Variants in CATSPERG observed in about 807,000 individuals in gnomAD.
The protein encoded by CATSPERG is cation channel sperm-associated auxiliary subunit gamma.
CATSPERG carries 115 observed loss-of-function variants against 145.0 expected under a neutral mutation model. The ratio of observed to expected loss-of-function variants is 0.79; its 90% CI spans 0.68 to 0.93. The LOEUF is 0.93. CATSPERG is among the 40% of genes least tolerant of loss of function. The pLI is 0.00. For missense variants in CATSPERG, 1,296 were observed against 1,490.1 expected, an observed-to-expected ratio of 0.87 and a Z score of 2.14; for synonymous variants, 588 against 589.0, an observed-to-expected ratio of 1.00 and a Z score of 0.02.
In CATSPERG at chr19:38,361,856, G is replaced by A. The variant is rs1182624974; in HGVS notation, c.2089G>A (p.Asp697Asn). 23 of 1,606,576 alleles carry A rather than the reference G, an allele frequency of 1.4e-5. No individual in the cohort carries two copies. The highest frequency in any genetic ancestry group is 1.7e-5 in the Non-Finnish European group (20 of 1,176,968). Residue 697 changes from aspartate (D) to asparagine (N), a missense_variant, in exon 17 of 29, where the codon GAC (aspartate) becomes AAC (asparagine). Transcript: ENST00000409235. Reference sequence around the variant, plus strand: ...CCTGCTGTGGCTGCACTCCGTGTACGACAAGGTGGGCGTCCGGCGGCGGGC... The same window carrying A: ...CCTGCTGTGGCTGCACTCCGTGTACAACAAGGTGGGCGTCCGGCGGCGGGC... The part of the protein sequence containing the change: ...YYLLWLHSVY[D>N]KPYADPVHDP...
rs1169998731 is a variant in CATSPERG, at chr19:38,362,805, G to A, written c.2448G>A (p.Leu816=). The change falls in exon 20 of 29, where the codon CTG becomes CTA. Residue 816 remains leucine (L), a synonymous_variant. Transcript: ENST00000409235. ...CIEASVKQEV[L]INRNSVLFSI... is the part of the protein sequence containing the mutation. ...AGGCCTCGGTGAAGCAGGAGGTCCT[G>A]ATTAATCGCAACTCGGTGCTATTTT... 30 of 1,607,086 alleles carry A rather than the reference G, an allele frequency of 1.9e-5. No homozygotes were observed. Among genetic ancestry groups the A allele is most frequent in the Non-Finnish European group, 2.4e-5 (28 of 1,175,414 alleles).
At chr19:38,346,338 A>C in intron 6 of CATSPERG, 112 bp from the exon 7 acceptor site, 1 of 989,542 alleles carries the variant, frequency 1.0e-6, no homozygotes, top group Non-Finnish European at 1.4e-6. Context: ...GGAAGTGAGA[A>C]GGACAAATCG....
rs1230304093 is a variant in CATSPERG, at chr19:38,354,738, G to A, written c.1026G>A (p.Glu342=). The change falls in exon 9 of 29, where the codon GAG becomes GAA. Residue 342 remains glutamate, a synonymous_variant. Transcript: ENST00000409235. ...SGSWIRVLAS[E]CIKKLCPVYF... is the part of the protein sequence containing the mutation. ...GTTGGATTCGTGTCCTGGCCAGCGAGTGCATCAAGAAGCTGTGCCCTGTGT... is the reference window on the plus strand; with the variant it reads ...GTTGGATTCGTGTCCTGGCCAGCGAATGCATCAAGAAGCTGTGCCCTGTGT... 1.2e-6 allele frequency: 2 copies of A among 1,614,200 alleles called. No individual in the cohort carries two copies. The highest frequency in any genetic ancestry group is 2.2e-5 in the East Asian group (1 of 44,884).
intron 8 of CATSPERG, 55 bp downstream of exon 8, chr19:38,352,487 C>A: frequency 6.6e-7 from 1 of 1,511,666 alleles, no homozygotes; most frequent in Non-Finnish European, 9.0e-7. Context: ...GTGAACCCCT[C>A]CACTGAAGGT....
At chr19:38,357,354 A>T (rs1234436480) in intron 11 of CATSPERG, among the ~76,000 whole-genome samples, 44 of 268 alleles carry the variant, frequency 0.16, no homozygotes, top group African/African-American at 0.27. Flanking sequence ...CTACAAATTA[A>T]AAAAAAAAAA....
Position 38,368,033 on chromosome 19 carries a change from C to T in CATSPERG, c.2931-15C>T, listed in dbSNP as rs1312876627. On this transcript the variant is annotated splice_polypyrimidine_tract_variant and intron_variant, in intron 25 of 28. Transcript: ENST00000409235. The stretch of plus-strand genomic sequence containing the variant: ...GCCCCCCAACCCCTGGCTGAGATGA[C>T]CTGGGCCTGCACAGGACCAACAGCC... 1.9e-6 allele frequency: 3 copies of T among 1,612,826 alleles called. No individual in the cohort carries two copies. Among genetic ancestry groups the T allele is most frequent in the South Asian group, 2.2e-5 (2 of 91,070 alleles).
chr19:38,343,869 C>T, intron 4 of CATSPERG, 124 bp from the exon 5 acceptor site: 1 of 1,406,182 alleles, frequency 7.1e-7, no homozygotes, highest in Non-Finnish European at 9.6e-7. Context: ...ACACAGAGGC[C>T]CCAGTGGGAC....
chr19:38,358,375 AGG>A lies in CATSPERG; in HGVS notation c.1366+50_1366+51del, dbSNP rs746512762. 5 of 1,613,924 alleles carry A rather than the reference AGG, an allele frequency of 3.1e-6. No individual in the cohort carries two copies. In the East Asian group the frequency reaches 8.9e-5, roughly 29 times the overall value. On this transcript the variant is annotated intron_variant, in intron 12 of 28. Transcript: ENST00000409235. ...GGCCTCAGGGTGGCTGTGGGCCAGG[AGG>A]GGCCCAGGTGACTCCACTTCACTGC... is the stretch of plus-strand genomic sequence containing the variant.
chr19:38,336,003 T>G (rs1600434998), intron 1 of CATSPERG, 128 bp downstream of exon 1: 144 of 226,494 alleles, frequency 6.4e-4, no homozygotes, highest in South Asian at 8.9e-4. Flanking sequence ...AGGGGAAGAG[T>G]CGTGGGAGCT....
intron 8 of CATSPERG, 33 bp downstream of exon 8, chr19:38,352,465 G>GCCCTC (rs1970159215): frequency 7.1e-6 from 11 of 1,549,416 alleles, no homozygotes; most frequent in African/African-American, 1.4e-5. Context: ...CACGCCTGGG[G>GCCCTC]AGGGCACCCT....
chr19:38,340,701 C>A (rs941072971), intron 3 of CATSPERG, among the ~76,000 whole-genome samples: 1 of 152,008 alleles, frequency 6.6e-6, no homozygotes, highest in South Asian at 2.1e-4. Context: ...CTCATTGCAG[C>A]CTCGACCTCC....
Position 38,361,632 on chromosome 19 carries a change from C to T in CATSPERG, c.1881-16C>T, listed in dbSNP as rs1193466420. ...TGCCTTAGAGCCAGCAGCCTTTCCC[C>T]CTTGCCACTGCCCAGGGGCTACTTG... On this transcript the variant is annotated splice_polypyrimidine_tract_variant and intron_variant, in intron 16 of 28. Transcript: ENST00000409235. 1 of 1,602,988 alleles carries T rather than the reference C, an allele frequency of 6.2e-7. No homozygotes were observed. The highest frequency in any genetic ancestry group is 2.2e-5 in the East Asian group (1 of 44,710).
chr19:38,365,252 C>A, intron 22 of CATSPERG, 135 bp downstream of exon 22: 1 of 671,134 alleles, frequency 1.5e-6, no homozygotes. Flanking sequence ...ATTCATCCAC[C>A]CACCCACTAC....
chr19:38,365,605 G>A (rs77142896), intron 22 of CATSPERG: 22,639 of 157,842 alleles, frequency 0.14, 1,908 homozygotes, highest in South Asian at 0.21. Context: ...TTTCAGAAAG[G>A]GCCACCTTCC....
Position 38,360,497 on chromosome 19 carries a change from C to A in CATSPERG, c.1617C>A (p.Tyr539Ter), listed in dbSNP as rs1970325271. ...AIVTETEEIW[Y>*]LLEGSYRVYQ... ...GGCTGTCATACCCGCAGATCTGGTA[C>A]CTCCTGGAGGGCAGCTACCGGGTCT... Residue 539 changes from tyrosine (Y) to a stop codon, truncating the protein, a stop_gained, in exon 15 of 29, where the codon TAC becomes TAA. Coordinates refer to ENST00000409235, the MANE Select transcript of CATSPERG (RefSeq NM_021185.5). LOFTEE classifies it high-confidence loss of function. 6.2e-7 allele frequency: 1 copy of A among 1,614,048 alleles called. No individual in the cohort carries two copies. Among genetic ancestry groups the A allele is most frequent in the Non-Finnish European group, 8.5e-7 (1 of 1,179,990 alleles).
In CATSPERG at chr19:38,351,607, C is replaced by CAA. The variant is rs769452553; in HGVS notation, c.826-640_826-639dup. ...TGGGTGACAGAGCAAGACTCCGCCT[C>CAA]AAAAAAAAAAAAAAATTAGCTGGGA... On this transcript the variant is annotated intron_variant, in intron 7 of 28. Coordinates refer to ENST00000409235, the MANE Select transcript of CATSPERG (RefSeq NM_021185.5). Among the ~76,000 whole-genome samples the CAA allele has an allele frequency of 6.4e-3, 706 of 110,606 alleles. 7 individuals carry two copies. The highest frequency in any genetic ancestry group is 0.022 in the African/African-American group (654 of 29,882). 72.6% of individuals were successfully genotyped at this position (110,606 alleles called of 152,430 possible). A position where few individuals can be genotyped will look rare whatever the true frequency, so the allele number is the denominator to read the frequency against.
intron 3 of CATSPERG, among the ~76,000 whole-genome samples, chr19:38,342,989 G>C (rs2145065794): frequency 6.6e-6 from 1 of 152,240 alleles, no homozygotes; most frequent in South Asian, 2.1e-4. Flanking sequence ...GAACTTGGCT[G>C]TCCTCTGACT....
At chr19:38,349,955 G>T (rs373725029) in intron 7 of CATSPERG, among the ~76,000 whole-genome samples, 4 of 152,094 alleles carry the variant, frequency 2.6e-5, no homozygotes, top group Non-Finnish European at 5.9e-5. Context: ...GTGAGCCACC[G>T]CACCCGGCCG....
Position 38,337,644 on chromosome 19 carries a change from A to G in CATSPERG, c.322A>G (p.Lys108Glu). Residue 108 changes from lysine to glutamate, a missense_variant and splice_region_variant, in exon 3 of 29, where the codon AAG becomes GAG. Lys to Glu is a moderately conservative substitution (Grantham distance 56, BLOSUM62 1). Coordinates refer to ENST00000409235, the MANE Select transcript of CATSPERG (RefSeq NM_021185.5). ...YLKINYSCEE[K>E]PSEDLVRMGH... ...GAAGATCAACTACTCCTGCGAGGAA[A>G]AGGTGAGTGGGTGCAGCACGGATAG... 1.3e-6 allele frequency: 2 copies of G among 1,551,672 alleles called. No homozygotes were observed. Among genetic ancestry groups the G allele is most frequent in the Non-Finnish European group, 1.7e-6 (2 of 1,146,950 alleles).
Sources: gnomAD v4.1 joint callset for allele counts (sites outside exome capture counted in the v4.1 genomes callset) on GRCh38, gnomAD v4.1.1 for gene constraint, MANE v1.5 for transcripts, NCBI Gene and HGNC (gene_info 2026-07-23, HGNC 2026-07-21) for gene names.